The following EXPH5 variants were observed in gnomAD, a reference collection of about 807,000 sequenced individuals.
EXPH5 encodes exophilin-5.
In EXPH5, 42 loss-of-function variants were observed where a neutral mutation model predicts 41.1. The observed-to-expected ratio is 1.02, with a 90% CI of 0.80 to 1.32. The LOEUF is 1.32. Among genes scored for constraint, EXPH5 ranks in the 40% most tolerant of loss-of-function variants. The pLI is 0.00. For missense variants in EXPH5, 2,298 were observed against 2,314.5 expected (o/e 0.99, Z 0.15); for synonymous variants, 798 against 833.5 (o/e 0.96, Z 0.73).
intron 1 of EXPH5, among the ~76,000 whole-genome samples, chr11:108,553,007 C>T (rs1177353638): frequency 1.3e-5 from 2 of 152,056 alleles, no homozygotes; most frequent in African/African-American, 4.8e-5. Context: ...ACCAGCCTGG[C>T]CAACATGGTG....
intron 3 of EXPH5, chr11:108,538,318 T>C (rs1158203903): frequency 1.1e-6 from 1 of 905,824 alleles, no homozygotes; most frequent in East Asian, 1.2e-4. Context: ...CCGAAAATAT[T>C]TAGCAGTCAG....
rs1232452469 is a variant in EXPH5 at position 108,506,560 on chromosome 11, C to CA, written c.*2976dup. The CA allele has an allele frequency of 1.3e-5, 2 of 151,920 alleles. No individual in the cohort carries two copies. Among genetic ancestry groups the CA allele is most frequent in the Non-Finnish European group, 2.9e-5 (2 of 68,008 alleles). 9.4% of individuals were successfully genotyped at this position (151,920 alleles called of 1,614,324 possible). A position where few individuals can be genotyped will look rare whatever the true frequency, so the allele number is the denominator to read the frequency against. On this transcript the variant is annotated 3_prime_UTR_variant, in exon 6 of 6. Transcript: ENST00000265843. ...ACCTTTTGTAGCATACACGTAGACT[C>CA]AGAGTATATACTGAAATATAATTTG...
intron 1 of EXPH5, among the ~76,000 whole-genome samples, chr11:108,580,785 G>A (rs2094095698): frequency 2.0e-5 from 3 of 152,192 alleles, no homozygotes; most frequent in African/African-American, 7.2e-5. Flanking sequence ...ATTATGTTAA[G>A]TGAAATAAAC....
intron 1 of EXPH5, among the ~76,000 whole-genome samples, chr11:108,582,488 A>G (rs1262822837): frequency 6.6e-6 from 1 of 152,112 alleles, no homozygotes; most frequent in Non-Finnish European, 1.5e-5. Flanking sequence ...AAAAGGATAG[A>G]AAACCAGAAA....
chr11:108,581,386 C>A (rs1186792690), intron 1 of EXPH5, among the ~76,000 whole-genome samples: 1 of 151,924 alleles, frequency 6.6e-6, no homozygotes, highest in Non-Finnish European at 1.5e-5. Context: ...ATGCCCCCAA[C>A]ACAAGGAAAT....
chr11:108,572,570 T>A (rs2094064320), intron 1 of EXPH5, among the ~76,000 whole-genome samples: 1 of 152,190 alleles, frequency 6.6e-6, no homozygotes, highest in Non-Finnish European at 1.5e-5. Context: ...TTGATTTATT[T>A]ATTTTGAGAC....
rs1565840482 is a variant in EXPH5 at position 108,593,583 on chromosome 11, G to A, written c.-47C>T. ...ACACTTAAGCTCCTTGGCGCCTCCT[G>A]TTAGGAAGGCATTTTTCAACCTGTA... On this transcript the variant is annotated 5_prime_UTR_variant, in exon 1 of 6. Coordinates refer to ENST00000265843, the MANE Select transcript of EXPH5 (RefSeq NM_015065.3). The A allele has an allele frequency of 5.0e-6, 8 of 1,613,342 alleles. No individual in the cohort carries two copies. Among genetic ancestry groups the A allele is most frequent in the South Asian group, 1.1e-5 (1 of 90,988 alleles).
At chr11:108,555,731 T>C (rs1302999047) in intron 1 of EXPH5, among the ~76,000 whole-genome samples, 1 of 152,178 alleles carries the variant, frequency 6.6e-6, no homozygotes, top group Admixed American at 6.5e-5. Context: ...GGAGATCTTA[T>C]GGTTTTATAA....
At chr11:108,575,577 C>T (rs1313448602) in intron 1 of EXPH5, among the ~76,000 whole-genome samples, 3 of 152,154 alleles carry the variant, frequency 2.0e-5, no homozygotes, top group African/African-American at 7.2e-5. Flanking sequence ...TATACAACCA[C>T]AAAAGTTATG....
intron 1 of EXPH5, among the ~76,000 whole-genome samples, chr11:108,558,791 A>C (rs1230768810): frequency 6.6e-6 from 1 of 152,218 alleles, no homozygotes; most frequent in Non-Finnish European, 1.5e-5. Flanking sequence ...TTGTTTCTGG[A>C]GGCGGAAAGT....
intron 1 of EXPH5, among the ~76,000 whole-genome samples, chr11:108,574,223 T>A (rs903750226): frequency 6.6e-6 from 1 of 151,918 alleles, no homozygotes; most frequent in Non-Finnish European, 1.5e-5. Flanking sequence ...AAAAGATTTT[T>A]AAAAAATTAG....
intron 3 of EXPH5, among the ~76,000 whole-genome samples, chr11:108,533,103 C>CATCT (rs962730888): frequency 3.0e-4 from 46 of 152,228 alleles, no homozygotes; most frequent in African/African-American, 1.1e-3. Flanking sequence ...TCTTCATGAT[C>CATCT]ATCTATCTAC....
intron 1 of EXPH5, among the ~76,000 whole-genome samples, chr11:108,583,580 G>A (rs2094104859): frequency 6.6e-6 from 1 of 151,864 alleles, no homozygotes; most frequent in Non-Finnish European, 1.5e-5. Context: ...CCAACAGTTT[G>A]GGAGGCCGAG....
chr11:108,590,891 G>T (rs763585921), intron 1 of EXPH5, among the ~76,000 whole-genome samples: 8 of 152,168 alleles, frequency 5.3e-5, no homozygotes, highest in Non-Finnish European at 1.0e-4. Context: ...GGCCTCAAGC[G>T]ATCCTTTTGC....
At chr11:108,600,225 T>C in the EXPH5 span, among the ~76,000 whole-genome samples, 2 of 152,212 alleles carry the variant, frequency 1.3e-5, no homozygotes, top group Non-Finnish European at 1.5e-5. Context: ...AAGTTGTCCT[T>C]TCTCCATCAA....
intron 1 of EXPH5, among the ~76,000 whole-genome samples, chr11:108,584,463 G>A (rs2094107686): frequency 6.6e-6 from 1 of 151,232 alleles, no homozygotes; most frequent in Non-Finnish European, 1.5e-5. Context: ...AGGCGACAAA[G>A]AGAGACCCTG....
rs1374945185 is a variant in EXPH5 at position 108,510,620 on chromosome 11, A to G, written c.4887T>C (p.Phe1629=). 7 of 1,614,064 alleles carry G rather than the reference A, an allele frequency of 4.3e-6. No individual in the cohort carries two copies. Among genetic ancestry groups the G allele is most frequent in the Non-Finnish European group, 5.9e-6 (7 of 1,180,026 alleles). Reference sequence around the variant, plus strand: ...CCACTGTGCCAAGAGATAAATGGTCAAAGCCAGATCTGCTTCCACTTTGGG... The same window carrying G: ...CCACTGTGCCAAGAGATAAATGGTCGAAGCCAGATCTGCTTCCACTTTGGG... ...IFPQSGSRSG[F]DHLSLGTVEC... is the part of the protein sequence containing the mutation. The change falls in exon 6 of 6, where the codon TTT becomes TTC. Residue 1629 remains phenylalanine (F), a synonymous_variant. Coordinates refer to ENST00000265843, the MANE Select transcript of EXPH5 (RefSeq NM_015065.3).
chr11:108,514,990 C>T (rs1368686237), intron 5 of EXPH5, 115 bp from the exon 6 acceptor site: 4 of 539,902 alleles, frequency 7.4e-6, no homozygotes, highest in Middle Eastern at 4.8e-4. Context: ...TTATTTTTAT[C>T]ATATTATCAT....
rs1313874149 is a variant in EXPH5, at chr11:108,514,757, G to A, written c.750C>T (p.Asn250=). 7 of 1,611,410 alleles carry A rather than the reference G, an allele frequency of 4.3e-6. No homozygotes were observed. The highest frequency in any genetic ancestry group is 1.7e-5 in the Admixed American group (1 of 59,396). ...TQFGHFYSSG[N]RHGNITERHK... Reference sequence around the variant, plus strand: ...GCCTTTCTGTGATATTACCATGTCTGTTACCACTGGAATAAAAGTGACCGA... The same window carrying A: ...GCCTTTCTGTGATATTACCATGTCTATTACCACTGGAATAAAAGTGACCGA... The change falls in exon 6 of 6, where the codon AAC becomes AAT. Residue 250 remains asparagine (N), a synonymous_variant. Transcript: ENST00000265843.
Sources: gnomAD v4.1 joint callset for allele counts (sites outside exome capture counted in the v4.1 genomes callset) on GRCh38, gnomAD v4.1.1 for gene constraint, MANE v1.5 for transcripts, NCBI Gene and HGNC (gene_info 2026-07-23, HGNC 2026-07-21) for gene names.